The following CASD1 variants were observed in gnomAD, a reference collection of about 807,000 sequenced individuals.
CASD1 encodes the protein CAS1 domain sialic acid O acetyltransferase 1.
Under a neutral mutation model 100.0 loss-of-function variants are expected in CASD1, and 41 were observed. The ratio of observed to expected loss-of-function variants is 0.41; its 90% CI spans 0.32 to 0.53. The LOEUF (loss-of-function observed/expected upper bound fraction) is 0.53. CASD1 is among the 20% of genes least tolerant of loss of function. The pLI, the probability that CASD1 is intolerant of heterozygous loss-of-function variation, is 0.25. For synonymous variants in CASD1, 321 were observed against 315.6 expected, an observed-to-expected ratio of 1.02 and a Z score of -0.18; for missense variants, 774 against 948.7, an observed-to-expected ratio of 0.82 and a Z score of 2.42.
chr7:94,566,891 C>T, the CASD1 span, among the ~76,000 whole-genome samples: 7 of 152,210 alleles, frequency 4.6e-5, no homozygotes, highest in African/African-American at 1.7e-4. Context: ...AACTACCCCT[C>T]GGCTCATCAT....
At chr7:94,615,735 T>C in the CASD1 span, among the ~76,000 whole-genome samples, 4 of 152,186 alleles carry the variant, frequency 2.6e-5, no homozygotes, top group East Asian at 7.7e-4. Flanking sequence ...GAGTATATTC[T>C]TTAATCCTCA....
the CASD1 span, among the ~76,000 whole-genome samples, chr7:94,612,121 G>T: frequency 6.6e-6 from 1 of 152,120 alleles, no homozygotes; most frequent in Admixed American, 6.5e-5. Flanking sequence ...GAGATTAAAT[G>T]AATGTTTCTT....
intron 8 of CASD1, 60 bp from the exon 9 acceptor site, chr7:94,537,412 A>G: frequency 1.4e-6 from 2 of 1,473,064 alleles, no homozygotes; most frequent in Non-Finnish European, 1.8e-6. Context: ...CACAGGAGAA[A>G]ATTTAATGTG....
At chr7:94,549,394 A>T (rs1397546843) in intron 13 of CASD1, 139 bp from the exon 14 acceptor site, 5 of 452,202 alleles carry the variant, frequency 1.1e-5, no homozygotes, top group Non-Finnish European at 1.9e-5. Flanking sequence ...GATATTTTCA[A>T]ATGAAATAAA....
At chr7:94,545,735 T>C in intron 12 of CASD1, 34 bp downstream of exon 12, 2 of 1,406,360 alleles carry the variant, frequency 1.4e-6, no homozygotes, top group South Asian at 1.4e-5. Flanking sequence ...TTAGTAAATA[T>C]ATTTTTTCAA....
At chr7:94,574,348 C>T in the CASD1 span, among the ~76,000 whole-genome samples, 8 of 152,048 alleles carry the variant, frequency 5.3e-5, no homozygotes, top group Non-Finnish European at 1.0e-4. Context: ...GCTGTGAATC[C>T]ATCAGGTCCA....
chr7:94,552,806 G>T (rs928284341), intron 16 of CASD1, among the ~76,000 whole-genome samples: 2 of 151,930 alleles, frequency 1.3e-5, no homozygotes, highest in Non-Finnish European at 2.9e-5. Context: ...GCGTGGTGGC[G>T]GGCACCTGTA....
the CASD1 span, among the ~76,000 whole-genome samples, chr7:94,568,349 CCTACCATACATCATAAAA>C: frequency 6.6e-6 from 1 of 152,006 alleles, no homozygotes; most frequent in Non-Finnish European, 1.5e-5. Context: ...AAGTTGGATC[CCTACCATACATCATAAAA>C]GTATAGAAAA....
the CASD1 span, among the ~76,000 whole-genome samples, chr7:94,568,289 A>G: frequency 2.6e-5 from 4 of 152,144 alleles, no homozygotes; most frequent in Non-Finnish European, 5.9e-5. Flanking sequence ...AAAAAGATGG[A>G]TTGTTTAATA....
chr7:94,555,452 A>G (rs773346840), intron 17 of CASD1, 40 bp from the exon 18 acceptor site: 133 of 1,576,462 alleles, frequency 8.4e-5, no homozygotes, highest in Non-Finnish European at 1.1e-4. Context: ...TTATTCATGG[A>G]CCCTCTATAA....
chr7:94,628,485 T>A, the CASD1 span: 1 of 684,042 alleles, frequency 1.5e-6, no homozygotes, highest in Non-Finnish European at 2.5e-6. Context: ...AATACACACA[T>A]ACAAAACCCA....
intron 3 of CASD1, among the ~76,000 whole-genome samples, chr7:94,519,423 G>C (rs1372568885): frequency 6.6e-6 from 1 of 152,116 alleles, no homozygotes; most frequent in African/African-American, 2.4e-5. Context: ...GAAAACTTAA[G>C]AGCCTTCACA....
At chr7:94,609,822 ACT>A in the CASD1 span, among the ~76,000 whole-genome samples, 1 of 152,172 alleles carries the variant, frequency 6.6e-6, no homozygotes, top group Non-Finnish European at 1.5e-5. Flanking sequence ...AAAATAACAT[ACT>A]TTTACCATAT....
chr7:94,597,658 A>G, the CASD1 span: 8 of 152,254 alleles, frequency 5.3e-5, no homozygotes, highest in African/African-American at 1.2e-4. Context: ...TCAAAAGCCA[A>G]CTTCATGACT....
At chr7:94,568,764 T>C in the CASD1 span, among the ~76,000 whole-genome samples, 18 of 152,218 alleles carry the variant, frequency 1.2e-4, no homozygotes, top group African/African-American at 3.4e-4. Flanking sequence ...AATGGGATTA[T>C]TGCCCTTATA....
At position 94,547,094 on chromosome 7, in the gene CASD1, A is replaced by G; in HGVS notation, c.1634-2A>G. On this transcript the variant is annotated splice_acceptor_variant, in intron 12 of 17. Coordinates refer to ENST00000297273, the MANE Select transcript of CASD1 (RefSeq NM_022900.5). LOFTEE classifies it high-confidence loss of function. The stretch of plus-strand genomic sequence containing the variant: ...TAGTAAATTAAATATTTTCTCTCTT[A>G]GGAAATTGTTTCTGGCATTTTGGCT... 1 of 1,566,708 alleles carries G rather than the reference A, an allele frequency of 6.4e-7. No homozygotes were observed. The highest frequency in any genetic ancestry group is 2.3e-5 in the East Asian group (1 of 44,086).
At chr7:94,629,020 A>C in the CASD1 span, 4 of 152,258 alleles carry the variant, frequency 2.6e-5, no homozygotes, top group Admixed American at 1.3e-4. Context: ...TTCATCATAT[A>C]ATCTTCAAAA....
At chr7:94,518,018 T>TA (rs1794064155) in intron 2 of CASD1, among the ~76,000 whole-genome samples, 185 bp from the exon 3 acceptor site, 1 of 152,174 alleles carries the variant, frequency 6.6e-6, no homozygotes, top group Non-Finnish European at 1.5e-5. Context: ...ATCGAGCTAT[T>TA]ACAGAGAGTT....
downstream of CASD1, among the ~76,000 whole-genome samples, chr7:94,557,175 C>G (rs1177755306): frequency 6.6e-6 from 1 of 151,970 alleles, no homozygotes; most frequent in East Asian, 1.9e-4. Context: ...CTGCTTTCCA[C>G]CAAGGAAGTT....
Sources: allele counts gnomAD v4.1 joint callset (sites outside exome capture counted in the v4.1 genomes callset), GRCh38; gene constraint gnomAD v4.1.1; transcripts MANE v1.5; gene names NCBI Gene and HGNC (gene_info 2026-07-23, HGNC 2026-07-21).